The following GPC6 variants were observed in gnomAD, a reference collection of about 807,000 sequenced individuals.
GPC6 encodes the protein glypican 6.
A neutral mutation model predicts 55.2 loss-of-function variants in GPC6; 14 were observed. The observed-to-expected ratio is 0.25, with a 90% confidence interval of 0.17 to 0.40. The LOEUF (loss-of-function observed/expected upper bound fraction) is 0.40. GPC6 is among the 10% of genes least tolerant of loss of function. The pLI, the probability that GPC6 is intolerant of heterozygous loss-of-function variation, is 1.00. For synonymous variants in GPC6, 278 were observed against 259.6 expected, an observed-to-expected ratio of 1.07 and a Z score of -0.68; for missense variants, 641 against 708.5, an observed-to-expected ratio of 0.90 and a Z score of 1.08.
At chr13:94,110,062 TAAAA>T (rs78404632) in intron 4 of GPC6, among the ~76,000 whole-genome samples, 3 of 84,618 alleles carry the variant, frequency 3.5e-5, no homozygotes, top group Non-Finnish European at 5.1e-5. Context: ...CACCCTGGAC[TAAAA>T]AAAAAAAAAA....
At chr13:93,574,431 G>A (rs1172891962) in intron 2 of GPC6, among the ~76,000 whole-genome samples, 1 of 152,072 alleles carries the variant, frequency 6.6e-6, no homozygotes, top group Non-Finnish European at 1.5e-5. Context: ...AGGGGGGAAG[G>A]ATTATTCTTT....
At chr13:93,903,701 C>T (rs1462865790) in intron 3 of GPC6, among the ~76,000 whole-genome samples, 2 of 152,068 alleles carry the variant, frequency 1.3e-5, no homozygotes, top group East Asian at 1.9e-4. Context: ...GGAGATGATG[C>T]ATATAAAGTC....
chr13:93,705,166 A>G (rs934983207), intron 2 of GPC6, among the ~76,000 whole-genome samples: 1 of 151,934 alleles, frequency 6.6e-6, no homozygotes, highest in Non-Finnish European at 1.5e-5. Context: ...CCTTTTCTAT[A>G]TCTGCTTTTG....
chr13:94,331,033 T>G (rs1486694953), intron 6 of GPC6, among the ~76,000 whole-genome samples: 3 of 152,186 alleles, frequency 2.0e-5, no homozygotes, highest in Non-Finnish European at 2.9e-5. Context: ...CTATCACATT[T>G]TAGATTGATT....
chr13:94,216,199 A>G (rs575262034), intron 4 of GPC6, among the ~76,000 whole-genome samples: 3 of 152,276 alleles, frequency 2.0e-5, no homozygotes, highest in Admixed American at 6.5e-5. Flanking sequence ...CTCCCCTTCA[A>G]AAGTGTTGAC....
intron 6 of GPC6, among the ~76,000 whole-genome samples, chr13:94,319,717 C>T: frequency 6.6e-6 from 1 of 152,194 alleles, no homozygotes; most frequent in East Asian, 1.9e-4. Context: ...ATTTCACTAT[C>T]TCCTGGTTTC....
At chr13:93,998,741 C>T (rs1472110684) in intron 3 of GPC6, among the ~76,000 whole-genome samples, 1 of 151,858 alleles carries the variant, frequency 6.6e-6, no homozygotes, top group Non-Finnish European at 1.5e-5. Context: ...ACATTATATA[C>T]AGCATGATGT....
intron 3 of GPC6, among the ~76,000 whole-genome samples, chr13:93,968,933 T>C (rs1196336623): frequency 6.6e-6 from 1 of 152,316 alleles, no homozygotes; most frequent in South Asian, 2.1e-4. Flanking sequence ...GATGTTGGTA[T>C]AATATTTGAT....
At chr13:94,286,602 T>C in intron 5 of GPC6, 123 bp downstream of exon 5, 2 of 856,738 alleles carry the variant, frequency 2.3e-6, no homozygotes, top group Non-Finnish European at 3.6e-6. Context: ...AGCGAGCTTT[T>C]CCTGTTGAGC....
At chr13:93,649,930 A>T (rs1189276236) in intron 2 of GPC6, among the ~76,000 whole-genome samples, 2 of 152,206 alleles carry the variant, frequency 1.3e-5, no homozygotes, top group Admixed American at 6.5e-5. Context: ...TCTGGTGAAT[A>T]GACGCCCATA....
chr13:94,030,198 A>G (rs1196266794), intron 4 of GPC6, among the ~76,000 whole-genome samples: 2 of 151,900 alleles, frequency 1.3e-5, no homozygotes, highest in African/African-American at 4.8e-5. Context: ...TTTAGTAGAG[A>G]CGGGTTTTCA....
intron 1 of GPC6, among the ~76,000 whole-genome samples, chr13:93,492,831 T>C (rs1347771629): frequency 2.7e-5 from 4 of 150,706 alleles, no homozygotes; most frequent in Non-Finnish European, 4.4e-5. Context: ...CATTTATTGA[T>C]TGGCATATAT....
intron 3 of GPC6, among the ~76,000 whole-genome samples, chr13:93,933,901 T>C (rs1878301786): frequency 6.6e-6 from 1 of 152,228 alleles, no homozygotes; most frequent in Non-Finnish European, 1.5e-5. Context: ...CCATGGAGTC[T>C]GTCTTCTTTC....
chr13:94,308,275 A>G (rs1310279019), intron 6 of GPC6, among the ~76,000 whole-genome samples: 1 of 152,230 alleles, frequency 6.6e-6, no homozygotes, highest in Non-Finnish European at 1.5e-5. Context: ...AGCTTAGCAT[A>G]AACTAAGTAA....
intron 3 of GPC6, among the ~76,000 whole-genome samples, chr13:93,958,132 G>A (rs1403780801): frequency 6.6e-6 from 1 of 152,088 alleles, no homozygotes; most frequent in Non-Finnish European, 1.5e-5. Flanking sequence ...TCTGATGCAT[G>A]CTTTGCAAAT....
intron 2 of GPC6, among the ~76,000 whole-genome samples, chr13:93,617,468 A>T (rs1878770141): frequency 6.6e-6 from 1 of 152,010 alleles, no homozygotes; most frequent in Non-Finnish European, 1.5e-5. Flanking sequence ...ATAAAGCAAC[A>T]TTTTTCTGAT....
chr13:94,024,487 C>T (rs575987475), intron 3 of GPC6, among the ~76,000 whole-genome samples: 59 of 152,072 alleles, frequency 3.9e-4, no homozygotes, highest in Non-Finnish European at 6.0e-4. Context: ...TCAAGCATGC[C>T]CTTGTGTAAG....
At chr13:93,712,212 C>G (rs1204451306) in intron 2 of GPC6, among the ~76,000 whole-genome samples, 1 of 151,694 alleles carries the variant, frequency 6.6e-6, no homozygotes, top group Non-Finnish European at 1.5e-5. Flanking sequence ...ATATAATTTG[C>G]TCACCAAGTT....
chr13:93,946,050 A>G (rs1027498478), intron 3 of GPC6, among the ~76,000 whole-genome samples: 17 of 152,176 alleles, frequency 1.1e-4, no homozygotes, highest in African/African-American at 3.9e-4. Context: ...TCTTAAGTCT[A>G]TGCAATCAAA....
Sources: allele counts gnomAD v4.1 joint callset (sites outside exome capture counted in the v4.1 genomes callset), GRCh38; gene constraint gnomAD v4.1.1; transcripts MANE v1.5; gene names NCBI Gene and HGNC (gene_info 2026-07-23, HGNC 2026-07-21).